EVI5: variants seen among roughly 807,000 people sequenced by gnomAD.
The protein encoded by EVI5 is ecotropic viral integration site 5, also known as ecotropic viral integration site 5 protein homolog.
A neutral mutation model predicts 112.0 loss-of-function variants in EVI5; 73 were observed. That is an observed-to-expected ratio of 0.65 (90% CI 0.54 to 0.79). The LOEUF is 0.79. Ranked by LOEUF, EVI5 falls within the 30% of genes least tolerant of loss-of-function variation. The pLI is 0.00. For missense variants in EVI5, 900 were observed against 968.8 expected (o/e 0.93, Z 0.94); for synonymous variants, 305 against 319.9 (o/e 0.95, Z 0.50).
intron 18 of EVI5, among the ~76,000 whole-genome samples, chr1:92,586,606 C>CTG (rs61310991): frequency 0.055 from 3,997 of 72,666 alleles, 105 homozygotes; most frequent in South Asian, 0.1. Context: ...TTTTTTTTGG[C>CTG]TGTGTGTGTG....
intron 18 of EVI5, among the ~76,000 whole-genome samples, chr1:92,587,374 T>C (rs1421683096): frequency 8.4e-6 from 1 of 119,130 alleles, no homozygotes; most frequent in African/African-American, 3.3e-5. Flanking sequence ...CCATAAACGA[T>C]TGTGCTTCAG....
At chr1:92,581,739 G>A (rs1435498624) in intron 18 of EVI5, among the ~76,000 whole-genome samples, 3 of 150,780 alleles carry the variant, frequency 2.0e-5, no homozygotes, top group African/African-American at 7.3e-5. Flanking sequence ...GTTGGGGTAG[G>A]TAATTCTGGG....
chr1:92,550,886 T>A (rs1388855280), intron 19 of EVI5, among the ~76,000 whole-genome samples: 19 of 125,750 alleles, frequency 1.5e-4, no homozygotes, highest in Non-Finnish European at 3.2e-5. Flanking sequence ...ATTAAGAAAA[T>A]CAATATTCAG....
At chr1:92,712,771 G>A (rs2102625255) in intron 2 of EVI5, among the ~76,000 whole-genome samples, 2 of 152,044 alleles carry the variant, frequency 1.3e-5, no homozygotes, top group Middle Eastern at 6.8e-3. Context: ...GTTTTATGGA[G>A]AGTATCCTCA....
At position 92,570,039 on chromosome 1, in the gene EVI5, A is replaced by G. The variant is rs117960323; in HGVS notation, c.2071-6302T>C. ...TGTCTGTATACCCTCAAAGTGGAAAAGGATGACATCAAACAGAGAATAAGA... is the reference window on the plus strand; with the variant it reads ...TGTCTGTATACCCTCAAAGTGGAAAGGGATGACATCAAACAGAGAATAAGA... On this transcript the variant is annotated intron_variant, in intron 18 of 19. Transcript: ENST00000684568. 5.7e-4 allele frequency among the ~76,000 whole-genome samples: 87 copies of G among 152,146 alleles called. No homozygotes were observed. The East Asian group carries it at 0.016, about 28-fold the overall frequency.
intron 19 of EVI5, among the ~76,000 whole-genome samples, chr1:92,542,883 C>T (rs1429367443): frequency 6.6e-6 from 1 of 152,120 alleles, no homozygotes; most frequent in African/African-American, 2.4e-5. Flanking sequence ...CAGTAGGTTT[C>T]AACAGTGGGC....
chr1:92,515,773 T>C (rs34103719), intron 19 of EVI5, among the ~76,000 whole-genome samples: 3,462 of 152,218 alleles, frequency 0.023, 54 homozygotes, highest in Non-Finnish European at 0.037. Flanking sequence ...CTCACCATAA[T>C]ACCTCCCAGC....
intron 16 of EVI5, among the ~76,000 whole-genome samples, chr1:92,612,641 C>T (rs546692185): frequency 3.8e-5 from 5 of 130,580 alleles, no homozygotes; most frequent in South Asian, 5.2e-4. Context: ...ACCCCGGAGG[C>T]GGAGGTTGCA....
intron 19 of EVI5, among the ~76,000 whole-genome samples, chr1:92,547,164 C>T (rs1665869949): frequency 6.6e-6 from 1 of 152,212 alleles, no homozygotes; most frequent in Admixed American, 6.5e-5. Context: ...GACCACAGTG[C>T]AATCAAACTA....
rs1244738460 is a variant in EVI5, at chr1:92,695,293, T to C, written c.909+17A>G. The C allele has an allele frequency of 1.9e-6, 3 of 1,595,264 alleles. No individual in the cohort carries two copies. The highest frequency in any genetic ancestry group is 2.2e-5 in the East Asian group (1 of 44,678). ...CCCTTTGCTCAGCTCCTGCTCTTTG[T>C]CTGCCCATTAGCTTACCTCAGACAT... On this transcript the variant is annotated intron_variant, in intron 7 of 19. Transcript: ENST00000684568.
At chr1:92,624,707 A>T (rs1188601243) in intron 15 of EVI5, among the ~76,000 whole-genome samples, 1 of 149,514 alleles carries the variant, frequency 6.7e-6, no homozygotes, top group Non-Finnish European at 1.5e-5. Flanking sequence ...AAAAAAAAAA[A>T]AAAAAAAAAA....
At chr1:92,746,727 T>C (rs1352004870) in intron 1 of EVI5, among the ~76,000 whole-genome samples, 1 of 151,708 alleles carries the variant, frequency 6.6e-6, no homozygotes, top group Non-Finnish European at 1.5e-5. Context: ...ACCCTGTCTC[T>C]ACAAAAAATT....
At chr1:92,625,760 C>CTT (rs767001723) in intron 15 of EVI5, 34 bp downstream of exon 15, 2 of 1,599,280 alleles carry the variant, frequency 1.3e-6, no homozygotes, top group Non-Finnish European at 1.7e-6. Flanking sequence ...GTTTTACTCT[C>CTT]TTTTAAAAAA....
At chr1:92,752,106 T>C (rs1159819924) in intron 1 of EVI5, among the ~76,000 whole-genome samples, 1 of 152,216 alleles carries the variant, frequency 6.6e-6, no homozygotes, top group Non-Finnish European at 1.5e-5. Flanking sequence ...GTAACTACTC[T>C]AATTTTATTA....
intron 19 of EVI5, among the ~76,000 whole-genome samples, chr1:92,550,781 A>AATATATATATATAT: frequency 0.014 from 284 of 20,244 alleles, 1 homozygote; most frequent in African/African-American, 0.022. Flanking sequence ...AAAAAAAAAA[A>AATATATATATATAT]ATATATATAT....
intron 13 of EVI5, among the ~76,000 whole-genome samples, chr1:92,655,066 T>C (rs2102089905): frequency 6.6e-6 from 1 of 152,184 alleles, no homozygotes; most frequent in East Asian, 1.9e-4. Context: ...GAGGAAGTAA[T>C]TGAGGAAAAC....
intron 1 of EVI5, among the ~76,000 whole-genome samples, chr1:92,750,639 T>C (rs1335750579): frequency 6.6e-6 from 1 of 152,204 alleles, no homozygotes; most frequent in African/African-American, 2.4e-5. Flanking sequence ...GACCCTCCTT[T>C]GGCTATAATA....
intron 2 of EVI5, among the ~76,000 whole-genome samples, chr1:92,718,462 A>C (rs2102674763): frequency 6.6e-6 from 1 of 152,350 alleles, no homozygotes; most frequent in Middle Eastern, 3.4e-3. Context: ...TAACAAAATG[A>C]AGGCAGAAAT....
intron 18 of EVI5, among the ~76,000 whole-genome samples, chr1:92,578,342 CT>C (rs557694474): frequency 0.011 from 1,686 of 152,056 alleles, 23 homozygotes; most frequent in Non-Finnish European, 0.018. Context: ...ACTAAATCCT[CT>C]TTTTTTTGGC....
Sources: allele counts gnomAD v4.1 joint callset (sites outside exome capture counted in the v4.1 genomes callset), GRCh38; gene constraint gnomAD v4.1.1; transcripts MANE v1.5; gene names NCBI Gene and HGNC (gene_info 2026-07-23, HGNC 2026-07-21).